MGST3: variants seen among roughly 807,000 people sequenced by gnomAD.
MGST3 encodes the protein microsomal glutathione S-transferase 3, also known as glutathione S-transferase 3, mitochondrial.
MGST3 carries 13 observed loss-of-function variants against 15.8 expected under a neutral mutation model. That is an observed-to-expected ratio of 0.82 (90% confidence interval 0.54 to 1.31). The LOEUF is 1.31. Ranked by LOEUF, MGST3 falls within the 50% of genes most tolerant of loss-of-function variation. The pLI, the probability that MGST3 is intolerant of heterozygous loss-of-function variation, is 0.00. For synonymous variants in MGST3, 49 were observed against 68.1 expected (o/e 0.72, Z 1.38); for missense variants, 155 against 192.4 (o/e 0.81, Z 1.15).
intron 1 of MGST3, 101 bp from the exon 2 acceptor site, chr1:165,649,740 T>G: frequency 7.0e-7 from 1 of 1,433,312 alleles, no homozygotes; most frequent in Admixed American, 1.7e-5. Context: ...TGGTCTCTAT[T>G]TACTCATTTG....
At chr1:165,655,235 G>C in intron 5 of MGST3, 133 bp from the exon 6 acceptor site, 1 of 1,093,460 alleles carries the variant, frequency 9.1e-7, no homozygotes, top group Non-Finnish European at 1.4e-6. Flanking sequence ...TCAGGCTAAA[G>C]AGTTAGTTAA....
At chr1:165,637,820 C>T (rs1648150724) in intron 1 of MGST3, among the ~76,000 whole-genome samples, 1 of 152,216 alleles carries the variant, frequency 6.6e-6, no homozygotes, top group South Asian at 2.1e-4. Context: ...AACACTGCCT[C>T]ATCTTAAGCC....
At chr1:165,654,047 A>G (rs748188084) in intron 4 of MGST3, 2 of 514,200 alleles carry the variant, frequency 3.9e-6, no homozygotes, top group Non-Finnish European at 7.0e-6. Flanking sequence ...TGTCTAGGAG[A>G]AGGCCAATAC....
Position 165,645,282 on chromosome 1 carries a change from A to G in MGST3, c.-7-4559A>G, listed in dbSNP as rs572825560. On this transcript the variant is annotated intron_variant, in intron 1 of 5. Transcript: ENST00000367889. ...TTTAAGCTTTTTTTGTTAAAAATTA[A>G]GACACAAACACACACCTTATCCTAG... Among the ~76,000 whole-genome samples the G allele has an allele frequency of 1.4e-4, 22 of 152,196 alleles. 1 individual carries two copies. The South Asian group carries it at 1.5e-3, about 10-fold the overall frequency.
chr1:165,644,892 G>A (rs1648356198), intron 1 of MGST3, among the ~76,000 whole-genome samples: 1 of 152,022 alleles, frequency 6.6e-6, no homozygotes, highest in Admixed American at 6.6e-5. Context: ...CCGAGCAGCT[G>A]GGATTACAGG....
At position 165,649,910 on chromosome 1, in the gene MGST3, G is replaced by A; in HGVS notation, c.63G>A (p.Met21Ile). ...TAACTGGTGCTGCCAGCTTTATAAT[G>A]GTGGCCCACCTAGCCATCAATGTTT... ...VLLTGAASFI[M>I]VAHLAINVSK... Residue 21 changes from methionine to isoleucine, a missense_variant, in exon 2 of 6, where the codon ATG becomes ATA. Physicochemically the swap from Met to Ile is conservative, Grantham distance 10. Coordinates refer to ENST00000367889, the MANE Select transcript of MGST3 (RefSeq NM_004528.4). 2 of 1,614,140 alleles carry A rather than the reference G, an allele frequency of 1.2e-6. No homozygotes were observed. The highest frequency in any genetic ancestry group is 2.2e-5 in the East Asian group (1 of 44,878).
At chr1:165,642,611 A>G (rs186877506) in intron 1 of MGST3, among the ~76,000 whole-genome samples, 28 of 152,188 alleles carry the variant, frequency 1.8e-4, no homozygotes, top group Non-Finnish European at 3.5e-4. Context: ...AACATAATAT[A>G]TAACATTTAC....
chr1:165,654,330 G>T lies in MGST3; in HGVS notation c.301G>T (p.Ala101Ser). 6.2e-7 allele frequency: 1 copy of T among 1,614,056 alleles called. No individual in the cohort carries two copies. The highest frequency in any genetic ancestry group is 8.5e-7 in the Non-Finnish European group (1 of 1,179,984). The change falls in exon 5 of 6, where the codon GCT (alanine) becomes TCT (serine). Residue 101 changes from alanine (A) to serine (S), a missense_variant. Physicochemically the swap from Ala to Ser is moderately conservative, Grantham distance 99. Transcript: ENST00000367889. The stretch of plus-strand genomic sequence containing the variant: ...CTGGATTGTTGGACGAGTTCTTTAT[G>T]CTTATGGCTATTACACGGGAGGTTA... ...LAWIVGRVLY[A>S]YGYYTGEPSK...
intron 1 of MGST3, among the ~76,000 whole-genome samples, chr1:165,642,784 T>C (rs945618883): frequency 6.6e-6 from 1 of 152,160 alleles, no homozygotes; most frequent in African/African-American, 2.4e-5. Context: ...GACACTCAAC[T>C]AGGAAATATG....
intron 1 of MGST3, among the ~76,000 whole-genome samples, chr1:165,640,770 A>G (rs1648240903): frequency 6.6e-6 from 1 of 152,226 alleles, no homozygotes; most frequent in African/African-American, 2.4e-5. Context: ...CTCTGTCCTC[A>G]AAGAGCACAT....
intron 1 of MGST3, among the ~76,000 whole-genome samples, chr1:165,636,043 T>C (rs1462385109): frequency 2.0e-5 from 3 of 152,322 alleles, no homozygotes; most frequent in Middle Eastern, 3.4e-3. Flanking sequence ...CTGGCTGTCA[T>C]GAAGGTTTGG....
At chr1:165,637,676 T>C (rs1453767384) in intron 1 of MGST3, among the ~76,000 whole-genome samples, 6 of 152,198 alleles carry the variant, frequency 3.9e-5, no homozygotes, top group African/African-American at 1.4e-4. Flanking sequence ...ATTTTGGTAT[T>C]TGAATAGCTG....
At chr1:165,640,546 C>G (rs1648235587) in intron 1 of MGST3, among the ~76,000 whole-genome samples, 1 of 151,990 alleles carries the variant, frequency 6.6e-6, no homozygotes, top group Non-Finnish European at 1.5e-5. Flanking sequence ...TCAGCATTAC[C>G]TAGGAACTAG....
intron 1 of MGST3, among the ~76,000 whole-genome samples, chr1:165,639,872 G>A (rs1467770197): frequency 6.6e-6 from 1 of 152,188 alleles, no homozygotes; most frequent in Admixed American, 6.5e-5. Context: ...ATATGTAGTA[G>A]TGATATTTTC....
intron 1 of MGST3, among the ~76,000 whole-genome samples, chr1:165,638,794 T>TAA (rs34399622): frequency 5.2e-4 from 76 of 146,612 alleles, no homozygotes; most frequent in Middle Eastern, 3.5e-3. Context: ...GACTCCGTCT[T>TAA]AAAAAAAAAA....
intron 1 of MGST3, 106 bp downstream of exon 1, chr1:165,631,399 A>T (rs910537145): frequency 4.6e-5 from 7 of 152,528 alleles, no homozygotes; most frequent in African/African-American, 1.7e-4. Context: ...CTGAATAGAG[A>T]CCCGCTGTCT....
At chr1:165,635,226 C>G (rs1648074973) in intron 1 of MGST3, among the ~76,000 whole-genome samples, 15 of 152,108 alleles carry the variant, frequency 9.9e-5, no homozygotes. Context: ...GGTTAGGTAT[C>G]TCCCACAGAA....
chr1:165,649,830 T>G lies in MGST3; in HGVS notation c.-7-11T>G, dbSNP rs761952514. 5.6e-6 allele frequency: 9 copies of G among 1,613,838 alleles called. No homozygotes were observed. The highest frequency in any genetic ancestry group is 1.3e-5 in the African/African-American group (1 of 74,938). On this transcript the variant is annotated splice_polypyrimidine_tract_variant and intron_variant, in intron 1 of 5. Coordinates refer to ENST00000367889, the MANE Select transcript of MGST3 (RefSeq NM_004528.4). The stretch of plus-strand genomic sequence containing the variant: ...GCTGGGGGCCGTCCCAACGTGTTCT[T>G]TCTTCCACAGACGCAAGATGGCTGT...
chr1:165,632,054 T>C (rs1195878440), intron 1 of MGST3: 2 of 584,508 alleles, frequency 3.4e-6, no homozygotes, highest in Non-Finnish European at 6.2e-6. Context: ...GGAGACTCCT[T>C]AGTGAGTCAT....
Sources: allele counts gnomAD v4.1 joint callset (sites outside exome capture counted in the v4.1 genomes callset), GRCh38; gene constraint gnomAD v4.1.1; transcripts MANE v1.5; gene names NCBI Gene and HGNC (gene_info 2026-07-23, HGNC 2026-07-21).